Variants in SLC17A6 observed in about 807,000 individuals in gnomAD.
SLC17A6 encodes the protein vesicular glutamate transporter 2.
A neutral mutation model predicts 67.1 loss-of-function variants in SLC17A6; 35 were observed. The observed-to-expected ratio is 0.52, with a 90% CI of 0.40 to 0.69. The LOEUF (loss-of-function observed/expected upper bound fraction) is 0.69, where lower values mean the gene tolerates loss of function less well. Among genes scored for constraint, SLC17A6 ranks in the 30% least tolerant of loss-of-function variants. SLC17A6 has a pLI of 0.00. For missense variants in SLC17A6, 588 were observed against 723.9 expected, an observed-to-expected ratio of 0.81 and a Z score of 2.15; for synonymous variants, 285 against 252.3, an observed-to-expected ratio of 1.13 and a Z score of -1.23.
chr11:22,362,684 T>A, intron 5 of SLC17A6, 55 bp from the exon 6 acceptor site: 1 of 1,389,816 alleles, frequency 7.2e-7, no homozygotes, highest in Non-Finnish European at 1.0e-6. Flanking sequence ...TGAGATGATA[T>A]CAATAATTTC....
chr11:22,343,441 A>G, intron 3 of SLC17A6, 76 bp downstream of exon 3: 1 of 1,290,132 alleles, frequency 7.8e-7, no homozygotes, highest in Non-Finnish European at 1.1e-6. Context: ...GCTGGAGCAG[A>G]GACAACAGCC....
intron 8 of SLC17A6, among the ~76,000 whole-genome samples, 181 bp from the exon 9 acceptor site, chr11:22,374,574 T>G (rs1427175628): frequency 6.6e-6 from 1 of 152,204 alleles, no homozygotes; most frequent in Non-Finnish European, 1.5e-5. Context: ...AATTTAGCTT[T>G]TCTAATTTAT....
chr11:22,361,238 G>T, intron 5 of SLC17A6: 7 of 363,600 alleles, frequency 1.9e-5, no homozygotes, highest in South Asian at 5.2e-5. Flanking sequence ...ATTCATGGGT[G>T]GTTTTTATAA....
Position 22,376,530 on chromosome 11 carries a change from A to T in SLC17A6, c.1286-15A>T. ...TTTAGGATGCCCTGAGTCAAAACTT[A>T]TGTGTGTATTTCAGGTTTCAATGTT... On this transcript the variant is annotated splice_polypyrimidine_tract_variant and intron_variant, in intron 10 of 11. Coordinates refer to ENST00000263160, the MANE Select transcript of SLC17A6 (RefSeq NM_020346.3). 2.5e-6 allele frequency: 4 copies of T among 1,613,770 alleles called. No individual in the cohort carries two copies. Among genetic ancestry groups the T allele is most frequent in the Non-Finnish European group, 3.4e-6 (4 of 1,179,824 alleles).
At chr11:22,359,339 C>A in intron 3 of SLC17A6, 74 bp from the exon 4 acceptor site, 2 of 848,698 alleles carry the variant, frequency 2.4e-6, no homozygotes, top group Non-Finnish European at 3.4e-6. Flanking sequence ...TGTTTCACTT[C>A]TCCTGAGAAA....
chr11:22,346,216 A>G (rs749284235), intron 3 of SLC17A6, among the ~76,000 whole-genome samples: 11 of 152,196 alleles, frequency 7.2e-5, no homozygotes, highest in Non-Finnish European at 1.3e-4. Flanking sequence ...GAACTGAGGA[A>G]GATAAACTGA....
intron 7 of SLC17A6, among the ~76,000 whole-genome samples, chr11:22,369,500 G>A (rs532315062): frequency 6.6e-6 from 1 of 152,082 alleles, no homozygotes; most frequent in African/African-American, 2.4e-5. Flanking sequence ...GATAATTTAT[G>A]ATTGATTGAT....
chr11:22,341,491 C>T (rs1305337633), intron 1 of SLC17A6, 37 bp from the exon 2 acceptor site: 5 of 1,599,866 alleles, frequency 3.1e-6, no homozygotes, highest in Non-Finnish European at 4.3e-6. Context: ...GTACCTAAGC[C>T]GCCAAGTCCT....
At chr11:22,347,426 A>G (rs1855890834) in intron 3 of SLC17A6, among the ~76,000 whole-genome samples, 1 of 152,120 alleles carries the variant, frequency 6.6e-6, no homozygotes, top group Non-Finnish European at 1.5e-5. Context: ...AGCTAAATAT[A>G]TGTAAAGTTT....
intron 7 of SLC17A6, 114 bp from the exon 8 acceptor site, chr11:22,369,925 A>T (rs1856156860): frequency 2.2e-6 from 2 of 914,466 alleles, no homozygotes; most frequent in African/African-American, 3.5e-5. Context: ...ACATCTTCCT[A>T]CTTCCTACTT....
At chr11:22,363,168 A>T (rs1856070985) in intron 6 of SLC17A6, among the ~76,000 whole-genome samples, 1 of 140,920 alleles carries the variant, frequency 7.1e-6, no homozygotes, top group African/African-American at 2.7e-5. Flanking sequence ...TCCCTTTGCT[A>T]TTGCCTTTTG....
At chr11:22,376,799 G>T in intron 11 of SLC17A6, 127 bp downstream of exon 11, 1 of 939,916 alleles carries the variant, frequency 1.1e-6, no homozygotes, top group Non-Finnish European at 1.6e-6. Flanking sequence ...TCTCTGAGTG[G>T]GAAATATAAA....
intron 4 of SLC17A6, among the ~76,000 whole-genome samples, 158 bp from the exon 5 acceptor site, chr11:22,360,739 A>G (rs778938835): frequency 6.6e-6 from 1 of 152,198 alleles, no homozygotes; most frequent in African/African-American, 2.4e-5. Flanking sequence ...AGAATTGCAG[A>G]TAAATTGATT....
At chr11:22,363,457 C>T (rs1204438412) in intron 6 of SLC17A6, among the ~76,000 whole-genome samples, 1 of 152,122 alleles carries the variant, frequency 6.6e-6, no homozygotes, top group Non-Finnish European at 1.5e-5. Context: ...TTCTAAGAGG[C>T]ACTTTTTAAT....
intron 4 of SLC17A6, 28 bp downstream of exon 4, chr11:22,359,555 T>C (rs1208310489): frequency 6.9e-7 from 1 of 1,449,542 alleles, no homozygotes; most frequent in Admixed American, 2.0e-5. Flanking sequence ...GAAGCCTTTT[T>C]AAGATTGGCA....
At position 22,377,797 on chromosome 11, in the gene SLC17A6, A is replaced by G; in HGVS notation, c.*57A>G. Reference sequence around the variant, plus strand: ...TTGTGATTAAATTCATTGTGATTGCACAAAAATTTTAAAAACACGTGATGT... The same window carrying G: ...TTGTGATTAAATTCATTGTGATTGCGCAAAAATTTTAAAAACACGTGATGT... On this transcript the variant is annotated 3_prime_UTR_variant, in exon 12 of 12. Coordinates refer to ENST00000263160, the MANE Select transcript of SLC17A6 (RefSeq NM_020346.3). 1 of 1,406,310 alleles carries G rather than the reference A, an allele frequency of 7.1e-7. No individual in the cohort carries two copies. The highest frequency in any genetic ancestry group is 9.5e-7 in the Non-Finnish European group (1 of 1,050,626). 87.1% of individuals were successfully genotyped at this position (1,406,310 alleles called of 1,614,324 possible).
At chr11:22,371,214 C>CTAAG (rs1404225914) in intron 8 of SLC17A6, among the ~76,000 whole-genome samples, 21 of 152,018 alleles carry the variant, frequency 1.4e-4, no homozygotes, top group Non-Finnish European at 2.6e-4. Flanking sequence ...AAGCCCTTTG[C>CTAAG]TAAGTCCTGA....
intron 3 of SLC17A6, among the ~76,000 whole-genome samples, chr11:22,358,706 A>G (rs1856017374): frequency 6.6e-6 from 1 of 152,196 alleles, no homozygotes; most frequent in African/African-American, 2.4e-5. Flanking sequence ...CTTTAGCATT[A>G]CGTTTCTGGC....
intron 7 of SLC17A6, 92 bp downstream of exon 7, chr11:22,365,781 A>C: frequency 7.4e-7 from 1 of 1,359,666 alleles, no homozygotes. Context: ...TCCTCAGCAA[A>C]ACTAATTTGG....
Sources: gnomAD v4.1 joint callset for allele counts (sites outside exome capture counted in the v4.1 genomes callset) on GRCh38, gnomAD v4.1.1 for gene constraint, MANE v1.5 for transcripts, NCBI Gene and HGNC (gene_info 2026-07-23, HGNC 2026-07-21) for gene names.